PADI1: variants seen among roughly 807,000 people sequenced by gnomAD.
The protein encoded by PADI1 is protein-arginine deiminase type-1.
PADI1 carries 65 observed loss-of-function variants against 74.8 expected under a neutral mutation model. The ratio of observed to expected loss-of-function variants is 0.87; its 90% CI spans 0.71 to 1.07. PADI1 has a LOEUF of 1.07. Among genes scored for constraint, PADI1 ranks in the 50% least tolerant of loss-of-function variants. The pLI is 0.00. For missense variants in PADI1, 943 were observed against 854.0 expected (o/e 1.10, Z -1.30); for synonymous variants, 371 against 336.2 (o/e 1.10, Z -1.13).
chr1:17,222,184 GT>G, intron 1 of PADI1, 105 bp from the exon 2 acceptor site: 1 of 741,592 alleles, frequency 1.3e-6, no homozygotes, highest in South Asian at 1.7e-5. Flanking sequence ...CTGTTGAGGG[GT>G]GCCATTTGAA....
In PADI1 at chr1:17,229,022, T is replaced by C; in HGVS notation, c.900T>C (p.Thr300=). Residue 300 remains threonine, a synonymous_variant, in exon 8 of 16, where the codon ACT becomes ACC. Coordinates refer to ENST00000375471, the MANE Select transcript of PADI1 (RefSeq NM_013358.3). ...CCCCCTGGATCATGACGCCCAACAC[T>C]CAGCCTCCTGAGGAGCTGTATGTGT... ...RMAPWIMTPN[T]QPPEELYVCR... The C allele has an allele frequency of 6.3e-7, 1 of 1,580,856 alleles. No homozygotes were observed. Among genetic ancestry groups the C allele is most frequent in the South Asian group, 1.2e-5 (1 of 86,856 alleles).
rs775408716 is a variant in PADI1 at position 17,244,275 on chromosome 1, C to T, written c.*32C>T. On this transcript the variant is annotated 3_prime_UTR_variant, in exon 16 of 16. Coordinates refer to ENST00000375471, the MANE Select transcript of PADI1 (RefSeq NM_013358.3). ...CCCCACCCGCCATCCTCTCTGCCCT[C>T]TTGCTAGGGAACCCTGCCAGGGTGA... The T allele has an allele frequency of 3.9e-6, 6 of 1,532,468 alleles. No individual in the cohort carries two copies. In the Admixed American group the frequency reaches 5.0e-5, roughly 13 times the overall value. The allele number at this position is 1,532,468 out of a possible 1,614,324, so 94.9% of individuals were successfully genotyped here. A position where few individuals can be genotyped will look rare whatever the true frequency, so the allele number is the denominator to read the frequency against.
Position 17,237,394 on chromosome 1 carries a change from C to A in PADI1, c.1394C>A (p.Ser465Ter). 6.2e-7 allele frequency: 1 copy of A among 1,613,810 alleles called. No individual in the cohort carries two copies. Among genetic ancestry groups the A allele is most frequent in the South Asian group, 1.1e-5 (1 of 91,028 alleles). Residue 465 changes from serine to a stop codon, truncating the protein, a stop_gained, in exon 12 of 16, where the codon TCG (serine) becomes TAG (stop). Transcript: ENST00000375471. LOFTEE classifies it high-confidence loss of function. ...QQVQAPVELY[S>*]DWLSVGHVDE... ...GTGCAGGCACCCGTGGAGCTCTACTCGGACTGGCTCTCTGTGGGCCATGTG... is the reference window on the plus strand; with the variant it reads ...GTGCAGGCACCCGTGGAGCTCTACTAGGACTGGCTCTCTGTGGGCCATGTG...
intron 1 of PADI1, among the ~76,000 whole-genome samples, chr1:17,205,660 GGAAGA>G (rs2071663378): frequency 6.6e-6 from 1 of 152,080 alleles, no homozygotes; most frequent in South Asian, 2.1e-4. Context: ...CTCAAGATGG[GGAAGA>G]GAACTGGTTC....
intron 11 of PADI1, among the ~76,000 whole-genome samples, chr1:17,233,960 C>T (rs1346477223): frequency 1.3e-5 from 2 of 152,232 alleles, no homozygotes; most frequent in Admixed American, 1.3e-4. Context: ...CTGTTGGTGA[C>T]TCATGCCCAG....
At chr1:17,242,852 C>T (rs1025074558) in intron 15 of PADI1, among the ~76,000 whole-genome samples, 6 of 152,200 alleles carry the variant, frequency 3.9e-5, no homozygotes, top group African/African-American at 1.4e-4. Context: ...GGTCCTGGCT[C>T]TTTTCTCCTC....
At chr1:17,217,250 C>G (rs6687052) in intron 1 of PADI1, among the ~76,000 whole-genome samples, 7,717 of 152,260 alleles carry the variant, frequency 0.051, 290 homozygotes, top group African/African-American at 0.098. Context: ...GTAAGATGAA[C>G]CTGAGCTGAA....
intron 15 of PADI1, 37 bp from the exon 16 acceptor site, chr1:17,243,973 G>C: frequency 6.8e-7 from 1 of 1,477,388 alleles, no homozygotes; most frequent in Non-Finnish European, 9.4e-7. Context: ...AGCACTTATA[G>C]CCAGACAGCC....
At chr1:17,236,295 T>C (rs916893045) in intron 11 of PADI1, among the ~76,000 whole-genome samples, 1 of 152,196 alleles carries the variant, frequency 6.6e-6, no homozygotes, top group Non-Finnish European at 1.5e-5. Flanking sequence ...TTTCTGGGAC[T>C]CAACTCCCTC....
intron 1 of PADI1, among the ~76,000 whole-genome samples, chr1:17,210,011 C>T (rs913687829): frequency 1.3e-5 from 2 of 152,014 alleles, no homozygotes; most frequent in East Asian, 3.9e-4. Context: ...TGCACCACCC[C>T]GTATTTTTAA....
rs377234912 is a variant in PADI1, at chr1:17,235,261, G to GGGAA, written c.1314-2025_1314-2022dup. Among the ~76,000 whole-genome samples the GGGAA allele has an allele frequency of 1.8e-3, 133 of 72,954 alleles. 3 individuals are homozygous for GGGAA. The highest frequency in any genetic ancestry group is 8.8e-3 in the Middle Eastern group (1 of 114). 47.9% of individuals were successfully genotyped at this position (72,954 alleles called of 152,430 possible). ...AGGGAGGGAGAGTGGGAGGGAGGAAGGGAAGGAAGGAAGGAAGGAAGGAAG... is the reference window on the plus strand; with the variant it reads ...AGGGAGGGAGAGTGGGAGGGAGGAAGGGAAGGAAGGAAGGAAGGAAGGAAGGAAG... On this transcript the variant is annotated intron_variant, in intron 11 of 15. Transcript: ENST00000375471.
At chr1:17,228,545 G>T in intron 6 of PADI1, 80 bp from the exon 7 acceptor site, 1 of 1,493,152 alleles carries the variant, frequency 6.7e-7, no homozygotes. Context: ...TAACCACAAA[G>T]GGGGCTCTGT....
At chr1:17,210,772 G>A (rs377715943) in intron 1 of PADI1, among the ~76,000 whole-genome samples, 8 of 152,328 alleles carry the variant, frequency 5.3e-5, no homozygotes, top group African/African-American at 1.9e-4. Flanking sequence ...GCCCCAGCCA[G>A]CCCCGGGGAG....
chr1:17,225,213 C>T (rs952359343), intron 4 of PADI1, among the ~76,000 whole-genome samples: 9 of 152,332 alleles, frequency 5.9e-5, no homozygotes, highest in South Asian at 2.1e-4. Context: ...AGAACCTCCC[C>T]GCACCCTTCT....
intron 10 of PADI1, among the ~76,000 whole-genome samples, chr1:17,231,069 T>C (rs544295284): frequency 2.0e-5 from 3 of 152,272 alleles, no homozygotes; most frequent in South Asian, 4.1e-4. Context: ...AGGGCCTCTC[T>C]TTAGGTGCCA....
intron 1 of PADI1, among the ~76,000 whole-genome samples, chr1:17,205,924 G>A (rs1011633571): frequency 9.2e-5 from 14 of 152,292 alleles, no homozygotes; most frequent in African/African-American, 1.7e-4. Context: ...CGATGATGGC[G>A]GTGATGGTGG....
rs370394605 is a variant in PADI1 at position 17,226,116 on chromosome 1, C to T, written c.610C>T (p.Pro204Ser). 148 of 1,614,072 alleles carry T rather than the reference C, an allele frequency of 9.2e-5. No homozygotes were observed. The highest frequency in any genetic ancestry group is 4.9e-4 in the Middle Eastern group (3 of 6,084). The change falls in exon 6 of 16, where the codon CCC becomes TCC. Residue 204 changes from proline to serine, a missense_variant. Coordinates refer to ENST00000375471, the MANE Select transcript of PADI1 (RefSeq NM_013358.3). ...FDSHKLVLNV[P>S]FSDSKRVRVF... Reference sequence around the variant, plus strand: ...CAGCCACAAGCTTGTCTTGAACGTGCCCTTTTCTGATTCCAAAAGAGTGAG... The same window carrying T: ...CAGCCACAAGCTTGTCTTGAACGTGTCCTTTTCTGATTCCAAAAGAGTGAG...
chr1:17,240,482 C>T (rs1287043081), intron 14 of PADI1, 153 bp from the exon 15 acceptor site: 11 of 783,554 alleles, frequency 1.4e-5, no homozygotes, highest in East Asian at 2.9e-5. Flanking sequence ...CAGTTTCCCC[C>T]GGACAGCAAT....
At chr1:17,228,538 C>A (rs1445120654) in intron 6 of PADI1, 87 bp from the exon 7 acceptor site, 2 of 1,458,986 alleles carry the variant, frequency 1.4e-6, no homozygotes, top group Non-Finnish European at 1.9e-6. Flanking sequence ...GCTGCTCTAA[C>A]CACAAAGGGG....
Sources: gnomAD v4.1 joint callset for allele counts (sites outside exome capture counted in the v4.1 genomes callset) on GRCh38, gnomAD v4.1.1 for gene constraint, MANE v1.5 for transcripts, NCBI Gene and HGNC (gene_info 2026-07-23, HGNC 2026-07-21) for gene names.